KAZN: variants seen among roughly 807,000 people sequenced by gnomAD.
The protein encoded by KAZN is kazrin.
A neutral mutation model predicts 87.4 loss-of-function variants in KAZN; 40 were observed. The observed-to-expected ratio is 0.46, with a 90% CI of 0.36 to 0.60. The LOEUF (loss-of-function observed/expected upper bound fraction) is 0.60, where lower values mean the gene tolerates loss of function less well. Among genes scored for constraint, KAZN ranks in the 20% least tolerant of loss-of-function variants. The pLI is 0.00. For missense variants in KAZN, 898 were observed against 1,073.9 expected, an observed-to-expected ratio of 0.84 and a Z score of 2.29; for synonymous variants, 466 against 458.3, an observed-to-expected ratio of 1.02 and a Z score of -0.22.
At chr1:14,853,038 G>A (rs1212166550) in intron 1 of KAZN, among the ~76,000 whole-genome samples, 2 of 152,230 alleles carry the variant, frequency 1.3e-5, no homozygotes, top group African/African-American at 2.4e-5. Context: ...CACAGATCTA[G>A]GGAATGGGTG....
chr1:14,125,965 G>T, intron 1 of KAZN, among the ~76,000 whole-genome samples: 1 of 133,596 alleles, frequency 7.5e-6, no homozygotes, highest in Non-Finnish European at 1.6e-5. Flanking sequence ...GTGCGGGGTG[G>T]GGTGGGGGGT....
intron 2 of KAZN, among the ~76,000 whole-genome samples, chr1:14,988,219 A>G (rs1403746801): frequency 6.6e-6 from 1 of 152,192 alleles, no homozygotes; most frequent in Non-Finnish European, 1.5e-5. Flanking sequence ...TCCTGCTCCC[A>G]TTTGGTCTCA....
intron 1 of KAZN, among the ~76,000 whole-genome samples, chr1:14,090,008 G>T (rs1643939036): frequency 6.6e-6 from 1 of 151,360 alleles, no homozygotes; most frequent in Admixed American, 6.6e-5. Flanking sequence ...TGTAAATAAT[G>T]CATCTTTTTT....
intron 1 of KAZN, among the ~76,000 whole-genome samples, chr1:14,916,335 C>T (rs929752858): frequency 6.6e-6 from 1 of 151,746 alleles, no homozygotes. Flanking sequence ...ATGCCCAACT[C>T]GTTTTTGTAT....
chr1:13,945,852 A>C (rs985569472), intron 1 of KAZN, among the ~76,000 whole-genome samples: 25 of 152,122 alleles, frequency 1.6e-4, no homozygotes, highest in Non-Finnish European at 2.9e-5. Context: ...ATTGGGGAAG[A>C]TGCAGTGGTG....
Position 15,099,257 on chromosome 1 carries a change from A to G in KAZN, c.1548-2286A>G, listed in dbSNP as rs566753385. 1.1e-4 allele frequency among the ~76,000 whole-genome samples: 16 copies of G among 152,330 alleles called. No homozygotes were observed. Among genetic ancestry groups the G allele is most frequent in the African/African-American group, 2.9e-4 (12 of 41,576 alleles). Reference sequence around the variant, plus strand: ...TAGCCATTATTCCAGGAAGCATTCAATCAGTGTCTACTGTGCACGTAGACT... The same window carrying G: ...TAGCCATTATTCCAGGAAGCATTCAGTCAGTGTCTACTGTGCACGTAGACT... On this transcript the variant is annotated intron_variant, in intron 10 of 14. Coordinates refer to ENST00000376030, the MANE Select transcript of KAZN (RefSeq NM_201628.3). This position sits in a 1 kb window ranked among gnomAD's most constrained non-coding sequence, Gnocchi z 5.4.
chr1:14,628,770 T>G (rs563320452), intron 1 of KAZN, among the ~76,000 whole-genome samples: 2 of 152,234 alleles, frequency 1.3e-5, no homozygotes, highest in Admixed American at 1.3e-4. Context: ...AGCTGCAATC[T>G]TGCTACCAAC....
intron 1 of KAZN, among the ~76,000 whole-genome samples, chr1:14,912,938 G>C (rs1657401752): frequency 6.6e-6 from 1 of 152,186 alleles, no homozygotes; most frequent in Admixed American, 6.5e-5. Flanking sequence ...GGTGGGGGAT[G>C]AAACGAGCCA....
intron 2 of KAZN, among the ~76,000 whole-genome samples, chr1:14,481,638 G>T (rs1209740445): frequency 6.6e-6 from 1 of 151,096 alleles, no homozygotes; most frequent in African/African-American, 2.4e-5. Context: ...TTTTTAAAGT[G>T]AATAATTTAT....
chr1:14,760,731 A>G (rs1644716979), intron 1 of KAZN, among the ~76,000 whole-genome samples: 1 of 152,172 alleles, frequency 6.6e-6, no homozygotes, highest in Admixed American at 6.5e-5. Flanking sequence ...AAGTGGGAGG[A>G]TTGCTTGAGC....
chr1:13,972,888 C>A (rs1017650035), intron 1 of KAZN, among the ~76,000 whole-genome samples: 1 of 152,154 alleles, frequency 6.6e-6, no homozygotes, highest in Admixed American at 6.5e-5. Context: ...AAGACCAAAT[C>A]CCTGTGTTGA....
At chr1:14,165,738 G>C (rs1483077899) in intron 1 of KAZN, among the ~76,000 whole-genome samples, 1 of 152,184 alleles carries the variant, frequency 6.6e-6, no homozygotes. Flanking sequence ...AGCAAGAACT[G>C]TTCCTTTGGC....
chr1:14,864,732 TA>T (rs1651257322), intron 1 of KAZN, among the ~76,000 whole-genome samples: 1 of 152,140 alleles, frequency 6.6e-6, no homozygotes, highest in Non-Finnish European at 1.5e-5. Flanking sequence ...TCTGACAGGC[TA>T]CCTGCTGTTG....
chr1:14,182,065 C>A (rs915451158), intron 2 of KAZN, among the ~76,000 whole-genome samples: 2 of 152,004 alleles, frequency 1.3e-5, no homozygotes, highest in Admixed American at 6.5e-5. Context: ...ATTAGAGAGC[C>A]TTCATCCTTT....
At chr1:14,796,029 G>C (rs1273096201) in intron 1 of KAZN, among the ~76,000 whole-genome samples, 1 of 152,146 alleles carries the variant, frequency 6.6e-6, no homozygotes, top group African/African-American at 2.4e-5. Context: ...TCCACTAGTG[G>C]TGAACTCCTC....
chr1:14,732,477 A>G (rs1187711632), intron 1 of KAZN, among the ~76,000 whole-genome samples: 1 of 152,046 alleles, frequency 6.6e-6, no homozygotes, highest in Non-Finnish European at 1.5e-5. Flanking sequence ...CCTCTCTATA[A>G]AAAATATATA....
chr1:15,017,808 A>T (rs1557720641), intron 2 of KAZN, among the ~76,000 whole-genome samples: 1 of 152,104 alleles, frequency 6.6e-6, no homozygotes, highest in Non-Finnish European at 1.5e-5. Flanking sequence ...CCATCTCAAA[A>T]AAAAAAAGCC....
intron 2 of KAZN, among the ~76,000 whole-genome samples, chr1:14,443,845 C>T (rs887196613): frequency 6.6e-6 from 1 of 152,184 alleles, no homozygotes; most frequent in Non-Finnish European, 1.5e-5. Context: ...AATTTTATAG[C>T]AGGATTGTTC....
At chr1:14,619,343 G>A (rs1232947376) in intron 1 of KAZN, among the ~76,000 whole-genome samples, 2 of 151,512 alleles carry the variant, frequency 1.3e-5, no homozygotes, top group African/African-American at 4.9e-5. Context: ...ATCTACAGGT[G>A]GGTGCCAACA....
Sources: allele counts gnomAD v4.1 joint callset (sites outside exome capture counted in the v4.1 genomes callset), GRCh38; gene constraint gnomAD v4.1.1; non-coding constraint Gnocchi (gnomAD v3.1); transcripts MANE v1.5; gene names NCBI Gene and HGNC (gene_info 2026-07-23, HGNC 2026-07-21).